The following SCD5 variants were observed in gnomAD, a reference collection of about 807,000 sequenced individuals.
SCD5 encodes the protein stearoyl-CoA desaturase 5, also known as acyl-CoA-desaturase 4.
In SCD5, 20 loss-of-function variants were observed where a neutral mutation model predicts 30.4. The ratio of observed to expected loss-of-function variants is 0.66; its 90% CI spans 0.46 to 0.96. SCD5 has a LOEUF of 0.96. Among genes scored for constraint, SCD5 ranks in the 40% least tolerant of loss-of-function variants. The probability of loss-of-function intolerance (pLI) is 0.00; values close to 1 mark genes in which losing one functional copy is unlikely to be tolerated. For missense variants in SCD5, 381 were observed against 443.3 expected (o/e 0.86, Z 1.26); for synonymous variants, 173 against 176.4 (o/e 0.98, Z 0.16).
chr4:82,646,831 T>C (rs1034326816), intron 3 of SCD5, among the ~76,000 whole-genome samples: 2 of 152,230 alleles, frequency 1.3e-5, no homozygotes, highest in African/African-American at 4.8e-5. Context: ...TTGGCTTTTT[T>C]CCCCCTTTTG....
intron 1 of SCD5, chr4:82,775,399 T>A (rs1222629108): frequency 2.0e-5 from 3 of 152,084 alleles, no homozygotes; most frequent in Non-Finnish European, 4.4e-5. Flanking sequence ...GTATGCATGT[T>A]GAGGGCAGAT....
intron 1 of SCD5, among the ~76,000 whole-genome samples, chr4:82,723,077 CAA>C (rs59796077): frequency 1.1e-3 from 95 of 89,930 alleles, no homozygotes; most frequent in African/African-American, 2.9e-3. Context: ...AACTCTGTCT[CAA>C]AAAAAAAAAA....
intron 1 of SCD5, among the ~76,000 whole-genome samples, chr4:82,723,655 CA>C (rs1252600168): frequency 6.6e-6 from 1 of 152,210 alleles, no homozygotes; most frequent in Admixed American, 6.5e-5. Flanking sequence ...AGGAAGCACA[CA>C]GCATCACCCT....
intron 1 of SCD5, among the ~76,000 whole-genome samples, chr4:82,792,041 T>G (rs1722110046): frequency 6.6e-6 from 1 of 151,168 alleles, no homozygotes; most frequent in African/African-American, 2.4e-5. Flanking sequence ...GCGGATCACC[T>G]GAGGTCGGGA....
At chr4:82,651,560 T>G (rs1329431805) in intron 3 of SCD5, among the ~76,000 whole-genome samples, 1 of 152,126 alleles carries the variant, frequency 6.6e-6, no homozygotes, top group Non-Finnish European at 1.5e-5. Context: ...AAATCACCAC[T>G]GAAGAACTTA....
intron 1 of SCD5, among the ~76,000 whole-genome samples, chr4:82,747,320 A>T (rs1355528037): frequency 6.6e-6 from 1 of 152,218 alleles, no homozygotes; most frequent in Non-Finnish European, 1.5e-5. Context: ...GGAAACTGGC[A>T]CTTGGGAAGG....
intron 1 of SCD5, among the ~76,000 whole-genome samples, chr4:82,721,173 AAAAC>A (rs138739681): frequency 0.012 from 1,852 of 152,134 alleles, 38 homozygotes; most frequent in African/African-American, 0.042. Context: ...AACAAAAACA[AAAAC>A]AAACAAACAA....
intron 1 of SCD5, among the ~76,000 whole-genome samples, chr4:82,714,534 T>C (rs937807803): frequency 2.0e-5 from 3 of 151,996 alleles, no homozygotes. Flanking sequence ...TAGCAAGGCA[T>C]GGAGGTGTGA....
Position 82,798,617 on chromosome 4 carries a change from G to T in SCD5, c.-80C>A. ...AGCGGAGCTCGAGGGTGGGGGCGGG[G>T]GCTTCTGCCTTTTAGGGGGGAATTC... On this transcript the variant is annotated 5_prime_UTR_variant, in exon 1 of 5. Coordinates refer to ENST00000319540, the MANE Select transcript of SCD5 (RefSeq NM_001037582.3). 5 of 1,288,670 alleles carry T rather than the reference G, an allele frequency of 3.9e-6. No homozygotes were observed. Among genetic ancestry groups the T allele is most frequent in the South Asian group, 1.5e-5 (1 of 65,926 alleles). The allele number at this position is 1,288,670 out of a possible 1,614,324, so 79.8% of individuals were successfully genotyped here. A position where few individuals can be genotyped will look rare whatever the true frequency, so the allele number is the denominator to read the frequency against.
intron 1 of SCD5, among the ~76,000 whole-genome samples, chr4:82,778,925 C>T (rs949134079): frequency 6.6e-6 from 1 of 151,340 alleles, no homozygotes; most frequent in African/African-American, 2.4e-5. Flanking sequence ...AGAGTGCAGC[C>T]GTACAATCTC....
chr4:82,722,270 A>C (rs1426864045), intron 1 of SCD5, among the ~76,000 whole-genome samples: 3 of 151,894 alleles, frequency 2.0e-5, no homozygotes, highest in Non-Finnish European at 2.9e-5. Flanking sequence ...TTTTACCCCC[A>C]AAAAGGGCTC....
At chr4:82,776,530 G>C (rs1043155166) in intron 1 of SCD5, among the ~76,000 whole-genome samples, 2 of 152,162 alleles carry the variant, frequency 1.3e-5, no homozygotes, top group African/African-American at 4.8e-5. Flanking sequence ...GCTTTCCTAG[G>C]AAAGGCATGA....
intron 3 of SCD5, among the ~76,000 whole-genome samples, chr4:82,658,953 C>G (rs1727927308): frequency 6.6e-6 from 1 of 152,060 alleles, no homozygotes; most frequent in South Asian, 2.1e-4. Flanking sequence ...GGCTGTGAAT[C>G]CCTCTGGTCC....
intron 1 of SCD5, among the ~76,000 whole-genome samples, chr4:82,786,393 T>C (rs765703083): frequency 9.8e-5 from 15 of 152,340 alleles, no homozygotes; most frequent in Middle Eastern, 6.8e-3. Context: ...ACAATCTTGA[T>C]AGAATAGGTA....
intron 3 of SCD5, among the ~76,000 whole-genome samples, chr4:82,640,689 C>G (rs918912194): frequency 1.3e-5 from 2 of 152,160 alleles, no homozygotes; most frequent in Non-Finnish European, 2.9e-5. Flanking sequence ...AGCAGCTGGT[C>G]TCCTTTTAAT....
At chr4:82,686,882 A>G (rs970836463) in intron 2 of SCD5, among the ~76,000 whole-genome samples, 4 of 152,168 alleles carry the variant, frequency 2.6e-5, no homozygotes, top group African/African-American at 9.7e-5. Context: ...AAAGAAAAGT[A>G]CTTCTTCGCC....
In SCD5 at chr4:82,662,597, T is replaced by G. The variant is rs537435662; in HGVS notation, c.569+18110A>C. ...AGATGGGGCCGGGTATGGTGGCTCA[T>G]GCCTGTAATCCCAGCACTTTGGGAG... is the stretch of plus-strand genomic sequence containing the variant. On this transcript the variant is annotated intron_variant, in intron 3 of 4. Transcript: ENST00000319540. 3.0e-4 allele frequency among the ~76,000 whole-genome samples: 45 copies of G among 151,594 alleles called. No homozygotes were observed. The South Asian group carries it at 9.4e-3, about 32-fold the overall frequency.
intron 1 of SCD5, among the ~76,000 whole-genome samples, chr4:82,767,325 G>T (rs1443412969): frequency 6.6e-6 from 1 of 151,900 alleles, no homozygotes; most frequent in African/African-American, 2.4e-5. Flanking sequence ...TCTTCTCTCT[G>T]GAACTCTTCT....
chr4:82,670,840 A>G (rs1336335742), intron 3 of SCD5, among the ~76,000 whole-genome samples: 1 of 152,000 alleles, frequency 6.6e-6, no homozygotes, highest in Non-Finnish European at 1.5e-5. Flanking sequence ...TTCCATATCA[A>G]TTGATATGGC....
Sources: gnomAD v4.1 joint callset for allele counts (sites outside exome capture counted in the v4.1 genomes callset) on GRCh38, gnomAD v4.1.1 for gene constraint, MANE v1.5 for transcripts, NCBI Gene and HGNC (gene_info 2026-07-23, HGNC 2026-07-21) for gene names.